The following CYTH3 variants were observed in gnomAD, a reference collection of about 807,000 sequenced individuals.
The protein encoded by CYTH3 is cytohesin-3.
A neutral mutation model predicts 55.1 loss-of-function variants in CYTH3; 23 were observed. That is an observed-to-expected ratio of 0.42 (90% CI 0.30 to 0.59). The LOEUF is 0.59. Among genes scored for constraint, CYTH3 ranks in the 20% least tolerant of loss-of-function variants. The pLI is 0.20. For synonymous variants in CYTH3, 249 were observed against 194.9 expected (o/e 1.28, Z -2.31); for missense variants, 413 against 524.8 (o/e 0.79, Z 2.08).
chr7:6,254,994 T>G (rs1170606151), intron 1 of CYTH3, among the ~76,000 whole-genome samples: 1 of 152,180 alleles, frequency 6.6e-6, no homozygotes, highest in Non-Finnish European at 1.5e-5. Context: ...AATAAAACAA[T>G]TCTTCCAACT....
chr7:6,171,230 C>T lies in CYTH3; in HGVS notation c.534G>A (p.Leu178=), dbSNP rs776285759. The T allele has an allele frequency of 2.0e-5, 32 of 1,614,176 alleles. No homozygotes were observed. Among genetic ancestry groups the T allele is most frequent in the Non-Finnish European group, 2.7e-5 (32 of 1,180,008 alleles). The change falls in exon 7 of 13, where the codon CTG becomes CTA. Residue 178 remains leucine (L), a synonymous_variant. Coordinates refer to ENST00000350796, the MANE Select transcript of CYTH3 (RefSeq NM_004227.4). The surrounding 1 kb of genome is among the most constrained non-coding windows in gnomAD (Gnocchi z 6.7). ...MMEAFASRYC[L]CNPGVFQSTD... Reference sequence around the variant, plus strand: ...TGGACTGGAAGACCCCGGGGTTGCACAGGCAGTAGCGAGAAGCGAAAGCCT... The same window carrying T: ...TGGACTGGAAGACCCCGGGGTTGCATAGGCAGTAGCGAGAAGCGAAAGCCT...
intron 1 of CYTH3, among the ~76,000 whole-genome samples, chr7:6,203,707 T>C (rs1265911900): frequency 6.6e-6 from 1 of 151,934 alleles, no homozygotes; most frequent in African/African-American, 2.4e-5. Flanking sequence ...ACCAACTTAC[T>C]GTACTCATAT....
At chr7:6,230,511 T>C (rs773860114) in intron 1 of CYTH3, among the ~76,000 whole-genome samples, 5 of 152,238 alleles carry the variant, frequency 3.3e-5, no homozygotes, top group Non-Finnish European at 5.9e-5. Context: ...AGACTTAAAA[T>C]TCTGTGTCTT....
chr7:6,173,399 G>A (rs1347492995), intron 6 of CYTH3, among the ~76,000 whole-genome samples: 2 of 152,182 alleles, frequency 1.3e-5, no homozygotes, highest in African/African-American at 4.8e-5. Flanking sequence ...ACAAATAAAA[G>A]GAAACGGAAT....
intron 1 of CYTH3, among the ~76,000 whole-genome samples, chr7:6,205,250 T>C (rs181223396): frequency 2.6e-5 from 4 of 152,038 alleles, no homozygotes; most frequent in African/African-American, 9.6e-5. Flanking sequence ...AAATCATTGG[T>C]CAAAGATAAC....
intron 1 of CYTH3, among the ~76,000 whole-genome samples, chr7:6,223,836 TAAAAAAAAAAAAAAAAAA>T (rs58813864): frequency 4.1e-5 from 1 of 24,282 alleles, no homozygotes; most frequent in Non-Finnish European, 9.0e-5. Context: ...CAATAAATAC[TAAAAAAAAAAAAAAAAAA>T]AAAAAAAAAA....
intron 1 of CYTH3, among the ~76,000 whole-genome samples, chr7:6,214,767 G>A (rs1452570867): frequency 1.3e-5 from 2 of 151,954 alleles, no homozygotes. Context: ...GGACACATGC[G>A]ATTGACAAGA....
chr7:6,238,250 AG>A (rs1339494394), intron 1 of CYTH3, among the ~76,000 whole-genome samples: 1 of 152,206 alleles, frequency 6.6e-6, no homozygotes. Flanking sequence ...TGTGAATCTT[AG>A]TATACATTTA....
At chr7:6,182,178 G>C (rs953629965) in intron 4 of CYTH3, among the ~76,000 whole-genome samples, 6 of 152,010 alleles carry the variant, frequency 3.9e-5, no homozygotes, top group Non-Finnish European at 8.8e-5. Flanking sequence ...CTCCCGAGTA[G>C]CTGAGATTAC....
intron 6 of CYTH3, chr7:6,172,693 G>C: frequency 9.2e-7 from 1 of 1,086,784 alleles, no homozygotes; most frequent in Middle Eastern, 4.5e-4. Flanking sequence ...TGGAGTCACA[G>C]CTGCAAGGGC....
At chr7:6,229,397 C>T (rs752463168) in intron 1 of CYTH3, among the ~76,000 whole-genome samples, 8 of 152,100 alleles carry the variant, frequency 5.3e-5, no homozygotes, top group African/African-American at 1.9e-4. Flanking sequence ...GTGCTTGCTG[C>T]GGCAGACTCC....
intron 1 of CYTH3, among the ~76,000 whole-genome samples, chr7:6,213,279 A>G (rs1784360890): frequency 6.6e-6 from 1 of 152,248 alleles, no homozygotes; most frequent in Non-Finnish European, 1.5e-5. Context: ...CAATTAAAAG[A>G]GCTATTTCAT....
intron 9 of CYTH3, among the ~76,000 whole-genome samples, chr7:6,168,943 G>A (rs1392786937): frequency 6.6e-6 from 1 of 152,204 alleles, no homozygotes; most frequent in Non-Finnish European, 1.5e-5. Context: ...CAGAGTGCCT[G>A]CCGGCATTTC....
At chr7:6,227,236 G>C (rs868242449) in intron 1 of CYTH3, among the ~76,000 whole-genome samples, 2 of 152,098 alleles carry the variant, frequency 1.3e-5, no homozygotes, top group Non-Finnish European at 2.9e-5. Flanking sequence ...GATAGGAACA[G>C]ATTGATGGAA....
chr7:6,252,604 C>T (rs555130651), intron 1 of CYTH3, among the ~76,000 whole-genome samples: 32 of 152,034 alleles, frequency 2.1e-4, no homozygotes, highest in Non-Finnish European at 3.7e-4. Flanking sequence ...TGCCCATCAC[C>T]GGATACATGA....
At chr7:6,272,260 C>G (rs10255885) in intron 1 of CYTH3, among the ~76,000 whole-genome samples, 1 of 151,480 alleles carries the variant, frequency 6.6e-6, no homozygotes, top group Non-Finnish European at 1.5e-5. Context: ...TCGCCAGCGC[C>G]GAACGGCGAC....
intron 5 of CYTH3, 109 bp downstream of exon 5, chr7:6,177,714 C>A: frequency 2.4e-6 from 2 of 834,618 alleles, no homozygotes; most frequent in Non-Finnish European, 2.0e-6. Flanking sequence ...CAGCCCGTGG[C>A]TCTATCATGC....
At chr7:6,208,513 T>G (rs537431509) in intron 1 of CYTH3, among the ~76,000 whole-genome samples, 43 of 151,938 alleles carry the variant, frequency 2.8e-4, no homozygotes, top group African/African-American at 1.0e-3. Context: ...CAAAAGTACT[T>G]CATTCCAATC....
intron 1 of CYTH3, among the ~76,000 whole-genome samples, chr7:6,194,596 T>C (rs1783875822): frequency 1.3e-5 from 2 of 152,176 alleles, no homozygotes; most frequent in African/African-American, 4.8e-5. Context: ...ACCCAGCAAT[T>C]TTACTCCCAG....
Sources: allele counts gnomAD v4.1 joint callset (sites outside exome capture counted in the v4.1 genomes callset), GRCh38; gene constraint gnomAD v4.1.1; non-coding constraint Gnocchi (gnomAD v3.1); transcripts MANE v1.5; gene names NCBI Gene and HGNC (gene_info 2026-07-23, HGNC 2026-07-21).